PHF24: variants seen among roughly 807,000 people sequenced by gnomAD.
PHF24 encodes the protein PHD finger protein 24.
PHF24 carries 25 observed loss-of-function variants against 42.6 expected under a neutral mutation model. The observed-to-expected ratio is 0.59, with a 90% CI of 0.43 to 0.82. PHF24 has a LOEUF of 0.82. Among genes scored for constraint, PHF24 ranks in the 40% least tolerant of loss-of-function variants. The pLI is 0.00. For synonymous variants in PHF24, 185 were observed against 204.8 expected (o/e 0.90, Z 0.83); for missense variants, 470 against 538.1 (o/e 0.87, Z 1.25).
chr9:34,714,854 C>T, the PHF24 span, among the ~76,000 whole-genome samples: 2 of 152,168 alleles, frequency 1.3e-5, no homozygotes, highest in African/African-American at 4.8e-5. Context: ...AGATACCTGC[C>T]TGTCTCCCTT....
chr9:34,958,840 G>T lies in PHF24; in HGVS notation c.-5+439G>T, dbSNP rs1826487983. Among the ~76,000 whole-genome samples the T allele has an allele frequency of 6.6e-6, 1 of 152,172 alleles. No individual in the cohort carries two copies. The stretch of plus-strand genomic sequence containing the variant: ...CCCTAGAAAAGGAGGACCTGAGACT[G>T]TGCCCTAGAACTGTGGGAAGCAACC... On this transcript the variant is annotated intron_variant, in intron 1 of 7. Coordinates refer to ENST00000242315, the Ensembl canonical transcript of PHF24. The surrounding 1 kb of genome is among the most constrained non-coding windows in gnomAD (Gnocchi z 4.5).
chr9:34,746,781 TA>T, the PHF24 span, among the ~76,000 whole-genome samples: 1 of 152,194 alleles, frequency 6.6e-6, no homozygotes, highest in Non-Finnish European at 1.5e-5. Context: ...TAAACCTTTT[TA>T]TACCCTCTTA....
the PHF24 span, chr9:34,666,241 G>GAT: frequency 1.3e-5 from 2 of 159,576 alleles, no homozygotes; most frequent in Admixed American, 5.9e-5. Flanking sequence ...AGGTTTTGGA[G>GAT]CTACACCTTG....
the PHF24 span, among the ~76,000 whole-genome samples, chr9:34,865,812 C>T: frequency 6.6e-6 from 1 of 152,180 alleles, no homozygotes; most frequent in Non-Finnish European, 1.5e-5. Flanking sequence ...GATTCATTTC[C>T]TCATGCTCTT....
the PHF24 span, among the ~76,000 whole-genome samples, chr9:34,738,497 C>T: frequency 2.6e-5 from 4 of 152,000 alleles, no homozygotes; most frequent in African/African-American, 4.8e-5. Context: ...ATTACAGGCA[C>T]CTGCCACCAT....
chr9:34,726,625 C>A, the PHF24 span: 8 of 1,551,696 alleles, frequency 5.2e-6, no homozygotes, highest in Non-Finnish European at 7.0e-6. Flanking sequence ...GAAATTCCTG[C>A]CCTAGCTGGA....
At chr9:34,822,828 C>G in the PHF24 span, among the ~76,000 whole-genome samples, 1 of 152,134 alleles carries the variant, frequency 6.6e-6, no homozygotes. Flanking sequence ...TGAGGTGCAG[C>G]CAGAAGAGCC....
At chr9:34,956,207 T>C (rs185696579), upstream of PHF24, among the ~76,000 whole-genome samples, 3 of 152,312 alleles carry the variant, frequency 2.0e-5, no homozygotes, top group Admixed American at 2.0e-4. Context: ...TTACTCTTAT[T>C]TGCACCCTTT....
the PHF24 span, chr9:34,832,521 A>T: frequency 1.3e-5 from 20 of 1,521,998 alleles, no homozygotes; most frequent in Non-Finnish European, 1.7e-5. Flanking sequence ...ACTTCTCCCC[A>T]CAGGGCTCTT....
chr9:34,800,006 G>A, the PHF24 span, among the ~76,000 whole-genome samples: 3 of 152,098 alleles, frequency 2.0e-5, no homozygotes, highest in Non-Finnish European at 4.4e-5. Context: ...GGGAGAGAGT[G>A]GAAGATGAGA....
the PHF24 span, chr9:34,690,975 G>GA: frequency 3.4e-6 from 3 of 872,008 alleles, no homozygotes; most frequent in Non-Finnish European, 5.4e-6. Flanking sequence ...ACAGACCTAA[G>GA]CATTTGCCTG....
the PHF24 span, among the ~76,000 whole-genome samples, chr9:34,901,037 C>T: frequency 6.6e-6 from 1 of 152,138 alleles, no homozygotes; most frequent in African/African-American, 2.4e-5. Flanking sequence ...AAATAGATAA[C>T]CTGAATGGCC....
At chr9:34,677,053 A>C in the PHF24 span, among the ~76,000 whole-genome samples, 1 of 152,112 alleles carries the variant, frequency 6.6e-6, no homozygotes, top group Non-Finnish European at 1.5e-5. Flanking sequence ...TCCAAAACCA[A>C]ACTCCTGATT....
intron 1 of PHF24, among the ~76,000 whole-genome samples, chr9:34,960,367 T>C (rs1050437587): frequency 1.3e-5 from 2 of 152,214 alleles, no homozygotes; most frequent in Non-Finnish European, 2.9e-5. Context: ...CAACATAGTT[T>C]ACCAGTTGTT....
the PHF24 span, among the ~76,000 whole-genome samples, chr9:34,759,806 C>T: frequency 6.6e-6 from 1 of 152,186 alleles, no homozygotes; most frequent in African/African-American, 2.4e-5. Flanking sequence ...GCTGCAAACT[C>T]CTCTCCAGCA....
chr9:34,761,590 T>A, the PHF24 span, among the ~76,000 whole-genome samples: 1 of 152,202 alleles, frequency 6.6e-6, no homozygotes, highest in African/African-American at 2.4e-5. Flanking sequence ...CTTACTAGAA[T>A]TTTTTAAAGA....
At chr9:34,684,033 G>A in the PHF24 span, among the ~76,000 whole-genome samples, 2 of 152,080 alleles carry the variant, frequency 1.3e-5, no homozygotes, top group Admixed American at 6.5e-5. Flanking sequence ...ACTTATTCTC[G>A]CTATTTTCTG....
the PHF24 span, among the ~76,000 whole-genome samples, chr9:34,898,144 A>G: frequency 1.3e-5 from 2 of 152,174 alleles, no homozygotes; most frequent in Non-Finnish European, 2.9e-5. Flanking sequence ...TGCACGTGCA[A>G]GTATCTTTTT....
chr9:34,835,916 A>G, the PHF24 span: 3 of 806,234 alleles, frequency 3.7e-6, no homozygotes, highest in Non-Finnish European at 6.4e-6. Flanking sequence ...GGACTCCTCG[A>G]CAAAGTTGGG....
Sources: gnomAD v4.1 joint callset for allele counts (sites outside exome capture counted in the v4.1 genomes callset) on GRCh38, gnomAD v4.1.1 for gene constraint, Gnocchi (gnomAD v3.1) non-coding constraint, MANE v1.5 for transcripts, NCBI Gene and HGNC (gene_info 2026-07-23, HGNC 2026-07-21) for gene names.